Variants in MYO1E observed in about 807,000 individuals in gnomAD.
MYO1E encodes unconventional myosin-Ie.
Under a neutral mutation model 151.1 loss-of-function variants are expected in MYO1E, and 68 were observed. That is an observed-to-expected ratio of 0.45 (90% CI 0.37 to 0.55). The LOEUF (loss-of-function observed/expected upper bound fraction) is 0.55. MYO1E is among the 20% of genes least tolerant of loss of function. MYO1E has a pLI of 0.00. For synonymous variants in MYO1E, 601 were observed against 501.7 expected (o/e 1.20, Z -2.64); for missense variants, 1,363 against 1,389.3 (o/e 0.98, Z 0.30).
intron 1 of MYO1E, among the ~76,000 whole-genome samples, chr15:59,353,369 A>AAAAAG (rs143319934): frequency 0.025 from 2,416 of 96,728 alleles, 87 homozygotes; most frequent in African/African-American, 0.073. Flanking sequence ...AAAAAAAAAA[A>AAAAAG]AAAAGAAAAG....
At chr15:59,215,563 G>A (rs1767303152) in intron 10 of MYO1E, among the ~76,000 whole-genome samples, 1 of 152,182 alleles carries the variant, frequency 6.6e-6, no homozygotes, top group Non-Finnish European at 1.5e-5. Flanking sequence ...GGGGGATGCA[G>A]TGGGGGAGGA....
At chr15:59,285,350 CTTTTTTTTTTT>C (rs368001329) in intron 1 of MYO1E, among the ~76,000 whole-genome samples, 2 of 74,054 alleles carry the variant, frequency 2.7e-5, no homozygotes, top group Non-Finnish European at 4.9e-5. Context: ...GACACTGTCT[CTTTTTTTTTTT>C]TTTTTTTTTT....
At chr15:59,197,578 C>A (rs778113524) in intron 16 of MYO1E, among the ~76,000 whole-genome samples, 3 of 152,106 alleles carry the variant, frequency 2.0e-5, no homozygotes, top group Non-Finnish European at 2.9e-5. Context: ...GAAAGCTGGG[C>A]CTTAAAGAAA....
chr15:59,244,980 A>G (rs542717848), intron 4 of MYO1E, among the ~76,000 whole-genome samples: 9 of 152,198 alleles, frequency 5.9e-5, no homozygotes, highest in African/African-American at 2.2e-4. Context: ...AACAGGGTCA[A>G]TCTAGGCCCT....
chr15:59,300,856 C>CCTTTATTTT (rs2080477811), intron 1 of MYO1E, among the ~76,000 whole-genome samples: 1 of 148,574 alleles, frequency 6.7e-6, no homozygotes, highest in East Asian at 1.9e-4. Context: ...TTCTTTTTTT[C>CCTTTATTTT]CTTTTTTTTC....
intron 1 of MYO1E, among the ~76,000 whole-genome samples, chr15:59,327,662 G>C (rs1025723115): frequency 5.3e-5 from 8 of 152,120 alleles, no homozygotes; most frequent in Admixed American, 1.3e-4. Flanking sequence ...GTGCAGGAGG[G>C]TATAGTGGGA....
intron 1 of MYO1E, among the ~76,000 whole-genome samples, chr15:59,334,549 C>T (rs1241178503): frequency 6.6e-6 from 1 of 151,946 alleles, no homozygotes; most frequent in Admixed American, 6.6e-5. Context: ...AAATGTCCTC[C>T]TTTTCCATTA....
At chr15:59,265,399 A>G (rs1433985098) in intron 2 of MYO1E, among the ~76,000 whole-genome samples, 1 of 152,124 alleles carries the variant, frequency 6.6e-6, no homozygotes, top group Non-Finnish European at 1.5e-5. Flanking sequence ...CATTTTAAAA[A>G]CTGTTAATTT....
intron 1 of MYO1E, among the ~76,000 whole-genome samples, chr15:59,344,821 G>A (rs1388682562): frequency 6.6e-6 from 1 of 152,060 alleles, no homozygotes; most frequent in Non-Finnish European, 1.5e-5. Flanking sequence ...ACCAATCAAA[G>A]AGCATAATAT....
intron 22 of MYO1E, among the ~76,000 whole-genome samples, chr15:59,167,996 A>G (rs2079571826): frequency 6.6e-6 from 1 of 152,100 alleles, no homozygotes; most frequent in South Asian, 2.1e-4. Context: ...TATTTAAATA[A>G]GGATTTTTCC....
At chr15:59,256,204 C>A in intron 4 of MYO1E, 80 bp downstream of exon 4, 1 of 1,123,804 alleles carries the variant, frequency 8.9e-7, no homozygotes. Flanking sequence ...TGTTGCAAAA[C>A]CACTGCTTAT....
rs910476737 is a variant in MYO1E at position 59,223,129 on chromosome 15, C to T, written c.840G>A (p.Ala280=). ...EEQTLVLQIV[A]GILHLGNISF... The stretch of plus-strand genomic sequence containing the variant: ...TGATGTTTCCCAGGTGGAGAATACC[C>T]GCCACTATCTGCAACACCAGCGTTT... The change falls in exon 9 of 28, where the codon GCG becomes GCA. Residue 280 remains alanine, a synonymous_variant. Transcript: ENST00000288235. 11 of 1,614,068 alleles carry T rather than the reference C, an allele frequency of 6.8e-6. No individual in the cohort carries two copies. The highest frequency in any genetic ancestry group is 2.7e-5 in the African/African-American group (2 of 74,918).
At chr15:59,174,015 T>C (rs1226845776) in intron 20 of MYO1E, 100 bp from the exon 21 acceptor site, 3 of 1,508,466 alleles carry the variant, frequency 2.0e-6, no homozygotes, top group Admixed American at 1.7e-5. Flanking sequence ...AATGATGCAA[T>C]ATTTTTAGCG....
chr15:59,178,436 A>T lies in MYO1E; in HGVS notation c.2006T>A (p.Phe669Tyr). The part of the protein sequence containing the change: ...LQSVNMDSDQ[F>Y]QLGRSKVFIK... ...GAACACTTTACTCCTCCCCAGCTGGAACTGGTCGCTGTCCATGTTGACCGA... is the reference window on the plus strand; with the variant it reads ...GAACACTTTACTCCTCCCCAGCTGGTACTGGTCGCTGTCCATGTTGACCGA... The change falls in exon 19 of 28, where the codon TTC becomes TAC. Residue 669 changes from phenylalanine to tyrosine, a missense_variant. Transcript: ENST00000288235. The T allele has an allele frequency of 6.2e-7, 1 of 1,614,208 alleles. No homozygotes were observed. The highest frequency in any genetic ancestry group is 1.1e-5 in the South Asian group (1 of 91,080).
At chr15:59,218,593 G>A (rs1257081596) in intron 9 of MYO1E, among the ~76,000 whole-genome samples, 1 of 152,226 alleles carries the variant, frequency 6.6e-6, no homozygotes. Context: ...TTTAGCATGT[G>A]TAGGGTTACT....
At chr15:59,314,810 G>A (rs1245413315) in intron 1 of MYO1E, among the ~76,000 whole-genome samples, 14 of 152,134 alleles carry the variant, frequency 9.2e-5, no homozygotes, top group Non-Finnish European at 1.6e-4. Flanking sequence ...AATGTCAGCA[G>A]TGTCAATGTT....
At chr15:59,368,063 G>T (rs1199523999) in intron 1 of MYO1E, among the ~76,000 whole-genome samples, 1 of 152,088 alleles carries the variant, frequency 6.6e-6, no homozygotes, top group African/African-American at 2.4e-5. Context: ...AGGTTATAGT[G>T]AACCGAGATC....
chr15:59,138,823 C>G (rs151051773), intron 26 of MYO1E, among the ~76,000 whole-genome samples: 6 of 152,256 alleles, frequency 3.9e-5, no homozygotes, highest in Non-Finnish European at 7.4e-5. Flanking sequence ...CATTCTCTGG[C>G]TCATCTCTAC....
intron 3 of MYO1E, among the ~76,000 whole-genome samples, chr15:59,259,861 C>A (rs546047234): frequency 2.0e-5 from 3 of 152,180 alleles, no homozygotes; most frequent in Non-Finnish European, 2.9e-5. Flanking sequence ...GTCATTAGGA[C>A]CTGACTTCAA....
Sources: allele counts gnomAD v4.1 joint callset (sites outside exome capture counted in the v4.1 genomes callset), GRCh38; gene constraint gnomAD v4.1.1; transcripts MANE v1.5; gene names NCBI Gene and HGNC (gene_info 2026-07-23, HGNC 2026-07-21).